The following HDAC9 variants were observed in gnomAD, a reference collection of about 807,000 sequenced individuals.
HDAC9 encodes histone deacetylase 9, also known as MEF-2 interacting transcription repressor (MITR) protein.
In HDAC9, 41 loss-of-function variants were observed where a neutral mutation model predicts 139.4. The observed-to-expected ratio is 0.29, with a 90% CI of 0.23 to 0.38. The LOEUF is 0.38. Among genes scored for constraint, HDAC9 ranks in the 10% least tolerant of loss-of-function variants. HDAC9 has a pLI of 1.00. For synonymous variants in HDAC9, 517 were observed against 476.2 expected (o/e 1.09, Z -1.12); for missense variants, 1,147 against 1,297.0 (o/e 0.88, Z 1.78).
At chr7:18,256,371 G>A (rs1486076427) in intron 2 of HDAC9, among the ~76,000 whole-genome samples, 1 of 152,168 alleles carries the variant, frequency 6.6e-6, no homozygotes, top group African/African-American at 2.4e-5. Flanking sequence ...ATACAATTCT[G>A]TAGGAGTTTG....
chr7:18,708,573 T>C (rs972648088), intron 12 of HDAC9, among the ~76,000 whole-genome samples: 1 of 152,060 alleles, frequency 6.6e-6, no homozygotes, highest in Non-Finnish European at 1.5e-5. Flanking sequence ...GAGTTTGTAC[T>C]GGAAAGGGAG....
chr7:18,434,600 CA>C (rs1217108033), intron 1 of HDAC9, among the ~76,000 whole-genome samples: 4 of 152,090 alleles, frequency 2.6e-5, no homozygotes, highest in African/African-American at 9.7e-5. Flanking sequence ...AGACACTTCT[CA>C]AAAGAACACA....
At chr7:18,832,840 A>G (rs1321371636) in intron 19 of HDAC9, among the ~76,000 whole-genome samples, 1 of 152,074 alleles carries the variant, frequency 6.6e-6, no homozygotes, top group African/African-American at 2.4e-5. Context: ...GGTTCAAGCG[A>G]TTCTCCTGCC....
chr7:18,985,220 C>T (rs1323926294), intron 25 of HDAC9, among the ~76,000 whole-genome samples: 1 of 151,862 alleles, frequency 6.6e-6, no homozygotes, highest in Non-Finnish European at 1.5e-5. Context: ...CTATCCCTAC[C>T]CCCCCAACCC....
chr7:18,328,127 C>G (rs1375003034), intron 1 of HDAC9, among the ~76,000 whole-genome samples: 1 of 151,886 alleles, frequency 6.6e-6, no homozygotes, highest in Non-Finnish European at 1.5e-5. Context: ...GAAACTTAAC[C>G]CATGAGTATT....
At chr7:18,892,681 C>A (rs1585241090) in intron 22 of HDAC9, 1 of 152,180 alleles carries the variant, frequency 6.6e-6, no homozygotes, top group East Asian at 1.9e-4. Context: ...CCTCGTGTAT[C>A]TATTCTCTTA....
chr7:18,980,581 C>G (rs1377357199), intron 25 of HDAC9, among the ~76,000 whole-genome samples: 1 of 152,132 alleles, frequency 6.6e-6, no homozygotes, highest in Non-Finnish European at 1.5e-5. Context: ...GTAGTAAATA[C>G]TTGATAAAAC....
chr7:18,488,998 TATTAA>T (rs1406929457), intron 1 of HDAC9, among the ~76,000 whole-genome samples: 1 of 152,008 alleles, frequency 6.6e-6, no homozygotes, highest in Admixed American at 6.6e-5. Context: ...TTATTTTTGT[TATTAA>T]ATTAATATTT....
chr7:18,986,647 T>C (rs1188995406), intron 25 of HDAC9, among the ~76,000 whole-genome samples: 1 of 151,774 alleles, frequency 6.6e-6, no homozygotes, highest in African/African-American at 2.4e-5. Context: ...ATTGAATCTG[T>C]AAATTACCTT....
At chr7:18,138,060 G>T (rs565733925) in intron 1 of HDAC9, among the ~76,000 whole-genome samples, 1 of 152,148 alleles carries the variant, frequency 6.6e-6, no homozygotes, top group African/African-American at 2.4e-5. Flanking sequence ...AGGAAGTTAT[G>T]CATTAGTACT....
At chr7:18,382,570 T>C (rs1348443660) in intron 1 of HDAC9, among the ~76,000 whole-genome samples, 1 of 152,230 alleles carries the variant, frequency 6.6e-6, no homozygotes, top group African/African-American at 2.4e-5. Flanking sequence ...GAGTGTATTA[T>C]TTAGAGTGAC....
intron 12 of HDAC9, among the ~76,000 whole-genome samples, chr7:18,683,629 T>G (rs1171228921): frequency 6.6e-6 from 1 of 152,130 alleles, no homozygotes; most frequent in African/African-American, 2.4e-5. Flanking sequence ...TTTGTTTGTT[T>G]TATGATAATG....
chr7:18,890,234 A>T (rs958164435), intron 22 of HDAC9, among the ~76,000 whole-genome samples: 8 of 152,338 alleles, frequency 5.3e-5, no homozygotes, highest in Middle Eastern at 3.4e-3. Context: ...GGATTATAAC[A>T]TCTTTAATGC....
Position 18,695,879 on chromosome 7 carries a change from C to T in HDAC9, c.1731+29403C>T, listed in dbSNP as rs116136285. Among the ~76,000 whole-genome samples the T allele has an allele frequency of 4.3e-3, 650 of 152,136 alleles. 7 individuals are homozygous for T. Among genetic ancestry groups the T allele is most frequent in the African/African-American group, 0.015 (619 of 41,490 alleles). On this transcript the variant is annotated intron_variant, in intron 12 of 25. Coordinates refer to ENST00000686413, the MANE Select transcript of HDAC9 (RefSeq NM_178425.4). ...ATTTTGAATATAATGGACCTAGATG[C>T]AGTTTTGTCACACGTTTTTATTTAT... is the stretch of plus-strand genomic sequence containing the variant.
intron 2 of HDAC9, among the ~76,000 whole-genome samples, chr7:18,534,050 C>T (rs1809981795): frequency 6.6e-6 from 1 of 152,214 alleles, no homozygotes; most frequent in Admixed American, 6.5e-5. Flanking sequence ...TCTGCGTGCA[C>T]TTTATACTTT....
chr7:18,690,985 T>G (rs1782634116), intron 12 of HDAC9, among the ~76,000 whole-genome samples: 2 of 152,190 alleles, frequency 1.3e-5, no homozygotes, highest in South Asian at 4.1e-4. Context: ...AAACTAATAT[T>G]ATCAGATGTC....
chr7:18,748,280 A>G (rs191875691), intron 13 of HDAC9, among the ~76,000 whole-genome samples: 21 of 152,334 alleles, frequency 1.4e-4, no homozygotes, highest in African/African-American at 4.8e-4. Context: ...AAATATGCTA[A>G]TACTTGATAA....
At chr7:18,833,571 C>G (rs150183814) in intron 19 of HDAC9, among the ~76,000 whole-genome samples, 43 of 152,296 alleles carry the variant, frequency 2.8e-4, no homozygotes, top group African/African-American at 9.9e-4. Context: ...AATTGTTTCA[C>G]CCTTGTTTAC....
chr7:18,909,906 G>A (rs967265940), intron 22 of HDAC9, among the ~76,000 whole-genome samples: 18 of 151,230 alleles, frequency 1.2e-4, no homozygotes, highest in African/African-American at 3.9e-4. Flanking sequence ...TTTAGCTTTC[G>A]TTTTTTTTGT....
Sources: allele counts gnomAD v4.1 joint callset (sites outside exome capture counted in the v4.1 genomes callset), GRCh38; gene constraint gnomAD v4.1.1; transcripts MANE v1.5; gene names NCBI Gene and HGNC (gene_info 2026-07-23, HGNC 2026-07-21).